Variants in INTS9 observed in about 807,000 individuals in gnomAD.
The protein encoded by INTS9 is protein related to CPSF subunits of 74 kDa.
Under a neutral mutation model 79.7 loss-of-function variants are expected in INTS9, and 55 were observed. The ratio of observed to expected loss-of-function variants is 0.69; its 90% CI spans 0.56 to 0.86. The LOEUF (loss-of-function observed/expected upper bound fraction) is 0.86, where lower values mean the gene tolerates loss of function less well. INTS9 is among the 40% of genes least tolerant of loss of function. INTS9 has a pLI of 0.00. For synonymous variants in INTS9, 319 were observed against 325.2 expected (o/e 0.98, Z 0.20); for missense variants, 721 against 831.5 (o/e 0.87, Z 1.64).
intron 6 of INTS9, among the ~76,000 whole-genome samples, chr8:28,830,964 C>T (rs1318212662): frequency 1.3e-5 from 2 of 152,156 alleles, no homozygotes; most frequent in African/African-American, 4.8e-5. Context: ...CTAGCAGCTT[C>T]TTTTAAAAGG....
intron 6 of INTS9, among the ~76,000 whole-genome samples, chr8:28,824,136 A>T (rs770734747): frequency 3.9e-5 from 6 of 152,236 alleles, no homozygotes; most frequent in Non-Finnish European, 7.3e-5. Flanking sequence ...TTCTGTTCAC[A>T]CTGTGCTTAA....
intron 4 of INTS9, among the ~76,000 whole-genome samples, chr8:28,839,758 A>G (rs1485122713): frequency 2.0e-5 from 3 of 152,178 alleles, no homozygotes; most frequent in Non-Finnish European, 2.9e-5. Context: ...CTGAAACTGG[A>G]TCCCTTCTTT....
chr8:28,824,784 A>G (rs1806051638), intron 6 of INTS9, among the ~76,000 whole-genome samples: 1 of 152,196 alleles, frequency 6.6e-6, no homozygotes, highest in Non-Finnish European at 1.5e-5. Flanking sequence ...GAGAATTTAC[A>G]ACCAGAGAAG....
At chr8:28,881,731 C>A (rs1331540615) in intron 1 of INTS9, among the ~76,000 whole-genome samples, 1 of 148,026 alleles carries the variant, frequency 6.8e-6, no homozygotes, top group Non-Finnish European at 1.5e-5. Flanking sequence ...TTCCGGCCGG[C>A]CGCCCCGTCC....
At chr8:28,780,227 T>C (rs1403579828) in intron 12 of INTS9, 1 of 36,350 alleles carries the variant, frequency 2.8e-5, no homozygotes, top group Non-Finnish European at 4.0e-5. Flanking sequence ...ACTGATGAGC[T>C]AAAAAAAAAA....
chr8:28,770,903 A>C, intron 15 of INTS9, 79 bp downstream of exon 15: 1 of 982,278 alleles, frequency 1.0e-6, no homozygotes, highest in Non-Finnish European at 1.6e-6. Flanking sequence ...ATGAAGCGCT[A>C]TTTCAAATAT....
intron 12 of INTS9, among the ~76,000 whole-genome samples, chr8:28,780,030 G>T (rs1803148945): frequency 6.6e-6 from 1 of 151,064 alleles, no homozygotes; most frequent in South Asian, 2.1e-4. Flanking sequence ...GTTGCTGCAA[G>T]CTGGGCCAGA....
intron 1 of INTS9, among the ~76,000 whole-genome samples, chr8:28,864,326 G>A (rs1335965560): frequency 6.6e-6 from 1 of 152,188 alleles, no homozygotes; most frequent in Non-Finnish European, 1.5e-5. Context: ...GACATTTTCA[G>A]ACCAATAGTA....
chr8:28,792,845 G>C (rs192243142), intron 10 of INTS9, among the ~76,000 whole-genome samples: 3 of 151,798 alleles, frequency 2.0e-5, no homozygotes, highest in African/African-American at 7.3e-5. Flanking sequence ...CCCAGGAGGC[G>C]GAGGTTGCAG....
rs767014548 is a variant in INTS9, at chr8:28,780,874, G to C, written c.1219C>G (p.His407Asp). 2 of 1,614,108 alleles carry C rather than the reference G, an allele frequency of 1.2e-6. No individual in the cohort carries two copies. Among genetic ancestry groups the C allele is most frequent in the Non-Finnish European group, 1.7e-6 (2 of 1,180,024 alleles). ...HPSLRFGDVV[H>D]FMELWGKSSL... ...GATTTTCCCCAGAGCTCCATGAAGT[G>C]GACCACGTCCCCGAAGCGGAGGGAA... The change falls in exon 12 of 17, where the codon CAC becomes GAC. Residue 407 changes from histidine (H) to aspartate (D), a missense_variant. Around this residue, in one of 3 missense-constraint regions of INTS9, gnomAD observed 149 missense variants for 223.7 expected, o/e 0.67. Coordinates refer to ENST00000521022, the MANE Select transcript of INTS9 (RefSeq NM_018250.4).
chr8:28,826,156 T>C (rs1272484766), intron 6 of INTS9, among the ~76,000 whole-genome samples: 1 of 152,270 alleles, frequency 6.6e-6, no homozygotes, highest in African/African-American at 2.4e-5. Flanking sequence ...TTTTGTTTTG[T>C]ATTTTATTAA....
chr8:28,884,280 C>T (rs1255002746), intron 1 of INTS9, among the ~76,000 whole-genome samples: 3 of 141,956 alleles, frequency 2.1e-5, no homozygotes, highest in Non-Finnish European at 4.5e-5. Flanking sequence ...AATCCCTGGG[C>T]TCAAGCAAAC....
At chr8:28,878,751 G>A (rs752335717) in intron 1 of INTS9, among the ~76,000 whole-genome samples, 5 of 151,862 alleles carry the variant, frequency 3.3e-5, no homozygotes, top group African/African-American at 7.2e-5. Flanking sequence ...GCCCCAAGGC[G>A]GCCAGGTAAC....
At position 28,796,252 on chromosome 8, in the gene INTS9, G is replaced by A. The variant is rs187773518; in HGVS notation, c.856+292C>T. On this transcript the variant is annotated intron_variant, in intron 9 of 16. Coordinates refer to ENST00000521022, the MANE Select transcript of INTS9 (RefSeq NM_018250.4). ...TTGAACCCAGCAGACAGAGGTTGCA[G>A]TAACCCAAGATTATGCCACTGCACT... 5.3e-5 allele frequency among the ~76,000 whole-genome samples: 8 copies of A among 152,318 alleles called. No homozygotes were observed. The East Asian group carries it at 1.5e-3, about 29-fold the overall frequency.
At chr8:28,780,742 C>T in intron 12 of INTS9, 81 bp downstream of exon 12, 1 of 1,548,724 alleles carries the variant, frequency 6.5e-7, no homozygotes, top group Non-Finnish European at 8.7e-7. Flanking sequence ...AAAATCCTTC[C>T]CTGGGTCTCT....
At chr8:28,837,226 G>A (rs1255944576) in intron 5 of INTS9, among the ~76,000 whole-genome samples, 2 of 152,118 alleles carry the variant, frequency 1.3e-5, no homozygotes, top group African/African-American at 2.4e-5. Context: ...TCCATTTATA[G>A]TCTACAACAA....
At chr8:28,830,632 T>TAAA (rs767647324) in intron 6 of INTS9, among the ~76,000 whole-genome samples, 1 of 99,156 alleles carries the variant, frequency 1.0e-5, no homozygotes, top group Non-Finnish European at 2.2e-5. Flanking sequence ...CTCAAAAAAT[T>TAAA]AAAAAAAAAA....
chr8:28,826,069 A>G (rs1376944071), intron 6 of INTS9, among the ~76,000 whole-genome samples: 1 of 152,194 alleles, frequency 6.6e-6, no homozygotes, highest in East Asian at 1.9e-4. Context: ...TTATACAGAA[A>G]TTTTCACTAC....
chr8:28,770,340 G>A (rs1469332686), intron 15 of INTS9, among the ~76,000 whole-genome samples: 1 of 152,226 alleles, frequency 6.6e-6, no homozygotes, highest in Non-Finnish European at 1.5e-5. Context: ...ACTGTGTCGT[G>A]CTGCAGGTAC....
Sources: gnomAD v4.1 joint callset for allele counts (sites outside exome capture counted in the v4.1 genomes callset) on GRCh38, gnomAD v4.1.1 for gene constraint, gnomAD v4.1.1 regional missense constraint, MANE v1.5 for transcripts, NCBI Gene and HGNC (gene_info 2026-07-23, HGNC 2026-07-21) for gene names.